The following LRCH3 variants were observed in gnomAD, a reference collection of about 807,000 sequenced individuals.
The protein encoded by LRCH3 is leucine rich repeats and calponin homology domain containing 3, also known as DISP complex protein LRCH3.
LRCH3 carries 68 observed loss-of-function variants against 104.5 expected under a neutral mutation model. That is an observed-to-expected ratio of 0.65 (90% CI 0.54 to 0.80). LRCH3 has a LOEUF of 0.80. Ranked by LOEUF, LRCH3 falls within the 30% of genes least tolerant of loss-of-function variation. The pLI is 0.00. For missense variants in LRCH3, 951 were observed against 953.9 expected, an observed-to-expected ratio of 1.00 and a Z score of 0.04; for synonymous variants, 344 against 361.3, an observed-to-expected ratio of 0.95 and a Z score of 0.54.
At position 197,871,701 on chromosome 3, in the gene LRCH3, C is replaced by T. The variant is rs538650769; in HGVS notation, c.2130+239C>T. 9 of 371,316 alleles carry T rather than the reference C, an allele frequency of 2.4e-5. No individual in the cohort carries two copies. The East Asian group carries it at 3.3e-4, about 14-fold the overall frequency. The allele number at this position is 371,316 out of a possible 1,614,324, so 23.0% of individuals were successfully genotyped here. On this transcript the variant is annotated intron_variant, in intron 19 of 20. Transcript: ENST00000425562. The stretch of plus-strand genomic sequence containing the variant: ...TGTGTTATAGGGATATAAAAAGGGG[C>T]CACTTAACTCCACCTGGAGAGTTCA...
At chr3:197,880,725 C>T (rs910769063) in intron 20 of LRCH3, 4 of 1,536,692 alleles carry the variant, frequency 2.6e-6, no homozygotes, top group East Asian at 2.4e-5. Context: ...AAAGATTGCA[C>T]TCCGGTGACT....
At chr3:197,814,736 T>C (rs1733610247) in intron 1 of LRCH3, among the ~76,000 whole-genome samples, 172 bp from the exon 2 acceptor site, 1 of 152,202 alleles carries the variant, frequency 6.6e-6, no homozygotes, top group Non-Finnish European at 1.5e-5. Context: ...TTTAGGATAT[T>C]TGGAACTGAT....
intron 1 of LRCH3, among the ~76,000 whole-genome samples, chr3:197,800,591 T>C (rs1272349438): frequency 2.0e-5 from 3 of 152,220 alleles, no homozygotes; most frequent in African/African-American, 7.2e-5. Flanking sequence ...GCCTCAACTT[T>C]GAAAATGCTC....
intron 19 of LRCH3, among the ~76,000 whole-genome samples, chr3:197,871,992 T>C (rs146190483): frequency 1.1e-3 from 172 of 152,258 alleles, no homozygotes; most frequent in African/African-American, 4.0e-3. Context: ...GTGAAGGACG[T>C]TTACCCTAGT....
chr3:197,865,068 T>A (rs1741331575), intron 15 of LRCH3, among the ~76,000 whole-genome samples: 2 of 151,988 alleles, frequency 1.3e-5, no homozygotes, highest in African/African-American at 4.8e-5. Flanking sequence ...AGTGGCACAA[T>A]CATTACTCAC....
chr3:197,805,317 G>A (rs184987007), intron 1 of LRCH3, among the ~76,000 whole-genome samples: 5 of 152,262 alleles, frequency 3.3e-5, no homozygotes, highest in Admixed American at 2.0e-4. Context: ...TTTCTTAAGG[G>A]TCTTACCTCT....
chr3:197,802,033 C>T (rs1422348056), intron 1 of LRCH3, among the ~76,000 whole-genome samples: 1 of 152,184 alleles, frequency 6.6e-6, no homozygotes, highest in East Asian at 1.9e-4. Context: ...CCCCTCCATC[C>T]TCAAGCCAGC....
At chr3:197,860,088 C>G (rs755779921) in intron 15 of LRCH3, among the ~76,000 whole-genome samples, 1 of 152,140 alleles carries the variant, frequency 6.6e-6, no homozygotes, top group Non-Finnish European at 1.5e-5. Context: ...CAGGGTCCTG[C>G]TCTGTCTCCC....
intron 20 of LRCH3, chr3:197,880,609 C>G (rs1373558773): frequency 1.3e-6 from 2 of 1,536,668 alleles, no homozygotes; most frequent in Non-Finnish European, 1.7e-6. Flanking sequence ...TCAGAAGAAT[C>G]CAGTTTTGTC....
chr3:197,816,776 T>G (rs1043379079), intron 2 of LRCH3, among the ~76,000 whole-genome samples: 24 of 152,200 alleles, frequency 1.6e-4, no homozygotes, highest in Non-Finnish European at 3.5e-4. Flanking sequence ...GATTATAAGT[T>G]TTGTTTATAA....
chr3:197,884,656 C>CG lies in LRCH3; in HGVS notation c.*995dup, dbSNP rs1202416397. On this transcript the variant is annotated 3_prime_UTR_variant, in exon 21 of 21. Transcript: ENST00000425562. ...TCAAAGCTAGATATTTGTATGTTTG[C>CG]GGGGGAGGGTAATGGCCCCCTGCAT... 2.6e-5 allele frequency: 4 copies of CG among 152,220 alleles called. No homozygotes were observed. The highest frequency in any genetic ancestry group is 9.7e-5 in the African/African-American group (4 of 41,430). The allele number at this position is 152,220 out of a possible 1,614,324, so 9.4% of individuals were successfully genotyped here.
chr3:197,806,901 T>C (rs1732551285), intron 1 of LRCH3, among the ~76,000 whole-genome samples: 1 of 151,402 alleles, frequency 6.6e-6, no homozygotes, highest in South Asian at 2.1e-4. Context: ...TAGCCTGACA[T>C]GGTTCCGCAT....
chr3:197,870,232 C>G lies in LRCH3; in HGVS notation c.1946C>G (p.Ser649Ter), dbSNP rs777763070. 5 of 1,613,402 alleles carry G rather than the reference C, an allele frequency of 3.1e-6. No individual in the cohort carries two copies. In the Admixed American group the frequency reaches 6.7e-5, roughly 22 times the overall value. ...DSTDSITGQN[S>*]RQREEELELI... ...ACAGATTCCATAACAGGACAGAATT[C>G]AAGACAGAGAGAAGAAGAGCTGGAA... The change falls in exon 18 of 21, where the codon TCA (serine) becomes TGA (stop). Residue 649 changes from serine to a stop codon, truncating the protein, a stop_gained. Transcript: ENST00000425562. LOFTEE classifies it high-confidence loss of function.
At chr3:197,841,815 T>TGTTTTGTTTC (rs1737834562) in intron 10 of LRCH3, among the ~76,000 whole-genome samples, 1 of 115,942 alleles carries the variant, frequency 8.6e-6, no homozygotes, top group Non-Finnish European at 1.9e-5. Flanking sequence ...TTACATGTTT[T>TGTTTTGTTTC]GTTTTGTTTT....
At chr3:197,865,077 A>G (rs1695984600) in intron 15 of LRCH3, among the ~76,000 whole-genome samples, 1 of 151,928 alleles carries the variant, frequency 6.6e-6, no homozygotes, top group Non-Finnish European at 1.5e-5. Context: ...ATCATTACTC[A>G]CTGCAGTCTT....
chr3:197,839,711 G>C (rs1047166913), intron 10 of LRCH3, among the ~76,000 whole-genome samples: 2 of 152,158 alleles, frequency 1.3e-5, no homozygotes, highest in African/African-American at 4.8e-5. Flanking sequence ...TGGGCATAGT[G>C]GCTAACACTT....
intron 14 of LRCH3, among the ~76,000 whole-genome samples, chr3:197,858,492 C>T (rs1210278534): frequency 2.6e-5 from 4 of 151,952 alleles, no homozygotes; most frequent in East Asian, 3.9e-4. Context: ...AACCCCTCAT[C>T]GTAGGAACAG....
chr3:197,876,569 G>A (rs1712913912), intron 20 of LRCH3, among the ~76,000 whole-genome samples: 1 of 152,202 alleles, frequency 6.6e-6, no homozygotes, highest in African/African-American at 2.4e-5. Flanking sequence ...GGAATATTAT[G>A]TGGTATAAAG....
intron 15 of LRCH3, among the ~76,000 whole-genome samples, chr3:197,864,393 A>G (rs1374404447): frequency 6.7e-6 from 1 of 149,798 alleles, no homozygotes; most frequent in Non-Finnish European, 1.5e-5. Context: ...GAATCACCTG[A>G]GGTTGGGAGT....
Sources: gnomAD v4.1 joint callset for allele counts (sites outside exome capture counted in the v4.1 genomes callset) on GRCh38, gnomAD v4.1.1 for gene constraint, MANE v1.5 for transcripts, NCBI Gene and HGNC (gene_info 2026-07-23, HGNC 2026-07-21) for gene names.